CSNK2A2IP: variants seen among roughly 807,000 people sequenced by gnomAD.
CSNK2A2IP encodes casein kinase 2 subunit alpha' interacting protein, also known as casein kinase II subunit alpha'-interacting protein.
At chr3:88,350,476 G>A in the CSNK2A2IP span, among the ~76,000 whole-genome samples, 3 of 152,050 alleles carry the variant, frequency 2.0e-5, no homozygotes, top group East Asian at 5.8e-4. Flanking sequence ...TTATTGGGAT[G>A]GGAAGGGGGA....
the CSNK2A2IP span, among the ~76,000 whole-genome samples, chr3:88,413,453 C>G: frequency 6.6e-6 from 1 of 151,882 alleles, no homozygotes; most frequent in Non-Finnish European, 1.5e-5. Flanking sequence ...TTAAATAATA[C>G]TATGATTGTT....
the CSNK2A2IP span, among the ~76,000 whole-genome samples, chr3:88,389,119 G>A: frequency 6.6e-6 from 1 of 152,002 alleles, no homozygotes; most frequent in Non-Finnish European, 1.5e-5. Context: ...ATGATAATTA[G>A]TGTTCCATAG....
the CSNK2A2IP span, among the ~76,000 whole-genome samples, chr3:88,401,941 T>C: frequency 2.0e-5 from 3 of 151,902 alleles, no homozygotes; most frequent in Non-Finnish European, 2.9e-5. Flanking sequence ...TCTTTTTGAG[T>C]GTTTGGTTAC....
At chr3:88,387,021 T>C in the CSNK2A2IP span, among the ~76,000 whole-genome samples, 2 of 152,160 alleles carry the variant, frequency 1.3e-5, no homozygotes, top group African/African-American at 2.4e-5. Context: ...CACATGGAGA[T>C]ACAAGTCAAC....
chr3:88,385,933 T>C, the CSNK2A2IP span, among the ~76,000 whole-genome samples: 16 of 151,916 alleles, frequency 1.1e-4, no homozygotes, highest in African/African-American at 3.9e-4. Context: ...AACAGGAAGG[T>C]GAAAGTGAAC....
the CSNK2A2IP span, among the ~76,000 whole-genome samples, chr3:88,453,445 A>G: frequency 6.6e-6 from 1 of 152,080 alleles, no homozygotes; most frequent in African/African-American, 2.4e-5. Flanking sequence ...AGAAAATTAA[A>G]TCTGTACATA....
At chr3:88,355,134 G>A in the CSNK2A2IP span, among the ~76,000 whole-genome samples, 158 of 152,272 alleles carry the variant, frequency 1.0e-3, no homozygotes, top group Non-Finnish European at 1.8e-3. Flanking sequence ...GGAAGCTATC[G>A]TTGATCTGCA....
chr3:88,379,886 C>T, the CSNK2A2IP span, among the ~76,000 whole-genome samples: 3 of 152,032 alleles, frequency 2.0e-5, no homozygotes, highest in Non-Finnish European at 4.4e-5. Flanking sequence ...CATGCTAAGG[C>T]TATCTCATGC....
the CSNK2A2IP span, among the ~76,000 whole-genome samples, chr3:88,454,387 CAG>C: frequency 6.6e-6 from 1 of 151,624 alleles, no homozygotes; most frequent in Non-Finnish European, 1.5e-5. Flanking sequence ...ATTTTCTTAA[CAG>C]TGTCTTATGA....
chr3:88,427,576 C>T, the CSNK2A2IP span, among the ~76,000 whole-genome samples: 1 of 152,136 alleles, frequency 6.6e-6, no homozygotes, highest in Non-Finnish European at 1.5e-5. Flanking sequence ...TGCACTGATG[C>T]TTTGCGTAGT....
At chr3:88,345,662 C>G in the CSNK2A2IP span, among the ~76,000 whole-genome samples, 1 of 151,880 alleles carries the variant, frequency 6.6e-6, no homozygotes, top group Non-Finnish European at 1.5e-5. Flanking sequence ...TCACATAAGA[C>G]AGTGAGCTAG....
chr3:88,374,948 T>C, the CSNK2A2IP span, among the ~76,000 whole-genome samples: 1 of 151,750 alleles, frequency 6.6e-6, no homozygotes, highest in African/African-American at 2.4e-5. Context: ...GAACTCATCA[T>C]AGGTTATCAA....
At chr3:88,412,849 C>T in the CSNK2A2IP span, among the ~76,000 whole-genome samples, 4 of 151,910 alleles carry the variant, frequency 2.6e-5, no homozygotes, top group Non-Finnish European at 5.9e-5. Flanking sequence ...AGAAAAGATA[C>T]AGTAAAAATA....
chr3:88,379,261 ACTGCCTGTTCCTCCCT>A, the CSNK2A2IP span, among the ~76,000 whole-genome samples: 1 of 152,012 alleles, frequency 6.6e-6, no homozygotes, highest in African/African-American at 2.4e-5. Flanking sequence ...TTCTAATGGA[ACTGCCTGTTCCTCCCT>A]CTGCTGGTTT....
chr3:88,375,914 A>C, the CSNK2A2IP span, among the ~76,000 whole-genome samples: 1 of 151,540 alleles, frequency 6.6e-6, no homozygotes, highest in Non-Finnish European at 1.5e-5. Flanking sequence ...ATTTTGTGTC[A>C]TCCCCATTAG....
At chr3:88,359,462 G>GTT in the CSNK2A2IP span, among the ~76,000 whole-genome samples, 1 of 150,618 alleles carries the variant, frequency 6.6e-6, no homozygotes, top group Admixed American at 6.6e-5. Flanking sequence ...TCATTTGGTT[G>GTT]TTTTTTTTGA....
chr3:88,350,014 C>T, the CSNK2A2IP span, among the ~76,000 whole-genome samples: 1 of 152,064 alleles, frequency 6.6e-6, no homozygotes, highest in East Asian at 1.9e-4. Context: ...TCCATAATCC[C>T]TATGCACCTT....
At chr3:88,455,332 C>T in the CSNK2A2IP span, among the ~76,000 whole-genome samples, 7 of 151,600 alleles carry the variant, frequency 4.6e-5, no homozygotes, top group Non-Finnish European at 7.4e-5. Flanking sequence ...ATATACATAC[C>T]AGTAGGTTCT....
the CSNK2A2IP span, among the ~76,000 whole-genome samples, chr3:88,407,339 C>T: frequency 1.2e-4 from 17 of 143,608 alleles, 1 homozygote; most frequent in East Asian, 3.5e-3. Context: ...AATGCATATT[C>T]ATGCATATCT....
Sources: gnomAD v4.1 joint callset for allele counts (sites outside exome capture counted in the v4.1 genomes callset) on GRCh38, gnomAD v4.1.1 for gene constraint, MANE v1.5 for transcripts, NCBI Gene and HGNC (gene_info 2026-07-23, HGNC 2026-07-21) for gene names.